KCNH7: variants seen among roughly 807,000 people sequenced by gnomAD.
The protein encoded by KCNH7 is voltage-gated inwardly rectifying potassium channel KCNH7.
A neutral mutation model predicts 120.8 loss-of-function variants in KCNH7; 49 were observed. That is an observed-to-expected ratio of 0.41 (90% CI 0.32 to 0.51). The LOEUF (loss-of-function observed/expected upper bound fraction) is 0.51, where lower values mean the gene tolerates loss of function less well. Ranked by LOEUF, KCNH7 falls within the 20% of genes least tolerant of loss-of-function variation. The pLI is 0.38. For missense variants in KCNH7, 1,097 were observed against 1,446.6 expected (o/e 0.76, Z 3.92); for synonymous variants, 547 against 516.1 (o/e 1.06, Z -0.81).
intron 2 of KCNH7, among the ~76,000 whole-genome samples, chr2:162,726,724 AT>A (rs1354152262): frequency 6.6e-6 from 1 of 152,098 alleles, no homozygotes; most frequent in African/African-American, 2.4e-5. Context: ...CCAGCCTATT[AT>A]TCTTTTTTAA....
chr2:162,693,546 G>A (rs990356096), intron 2 of KCNH7, among the ~76,000 whole-genome samples: 1 of 152,146 alleles, frequency 6.6e-6, no homozygotes, highest in South Asian at 2.1e-4. Context: ...AGAGTGAAAG[G>A]TTATTTTCAA....
intron 2 of KCNH7, among the ~76,000 whole-genome samples, chr2:162,661,124 C>A (rs1056076978): frequency 4.3e-4 from 66 of 152,270 alleles, no homozygotes; most frequent in African/African-American, 1.5e-3. Context: ...TTCAATGTGA[C>A]AATATTACGA....
intron 2 of KCNH7, among the ~76,000 whole-genome samples, chr2:162,684,779 A>G (rs1685828474): frequency 1.3e-5 from 2 of 152,122 alleles, no homozygotes; most frequent in Non-Finnish European, 2.9e-5. Context: ...CCATTGTGGA[A>G]GACAGTGGGG....
intron 2 of KCNH7, among the ~76,000 whole-genome samples, chr2:162,782,416 A>G (rs2105497533): frequency 6.6e-6 from 1 of 152,350 alleles, no homozygotes; most frequent in African/African-American, 2.4e-5. Flanking sequence ...GGAATGAGTC[A>G]TGTGGCTATT....
intron 2 of KCNH7, among the ~76,000 whole-genome samples, chr2:162,599,733 TTTA>T (rs1424645619): frequency 6.6e-6 from 1 of 152,092 alleles, no homozygotes; most frequent in Admixed American, 6.6e-5. Context: ...TTTTCATTGG[TTTA>T]TTAACAAAAT....
chr2:162,495,613 A>G (rs1690471332), intron 6 of KCNH7, among the ~76,000 whole-genome samples: 1 of 152,178 alleles, frequency 6.6e-6, no homozygotes, highest in Non-Finnish European at 1.5e-5. Flanking sequence ...TTTGACAAAA[A>G]TGAGGACTGG....
At chr2:162,791,972 C>T (rs1012738940) in intron 2 of KCNH7, among the ~76,000 whole-genome samples, 6 of 151,480 alleles carry the variant, frequency 4.0e-5, no homozygotes, top group East Asian at 1.9e-4. Context: ...CCTAATTTAT[C>T]GAGTTTTTTT....
chr2:162,566,681 A>G (rs893327716), intron 2 of KCNH7, among the ~76,000 whole-genome samples: 4 of 152,086 alleles, frequency 2.6e-5, no homozygotes, highest in African/African-American at 9.7e-5. Context: ...GCTTGAAGCT[A>G]CAAAGACAAG....
In KCNH7 at chr2:162,779,233, C is replaced by T. The variant is rs1401733635; in HGVS notation, c.307+57304G>A. ...TGTTTGTTTTTGAGACAGAGTCTTG[C>T]TCTGTTGCCCAGGCTGGAGTACAGT... On this transcript the variant is annotated intron_variant, in intron 2 of 15. Coordinates refer to ENST00000332142, the MANE Select transcript of KCNH7 (RefSeq NM_033272.4). Among the ~76,000 whole-genome samples, 4 of 152,098 alleles carry T rather than the reference C, an allele frequency of 2.6e-5. No individual in the cohort carries two copies. The East Asian group carries it at 7.7e-4, about 29-fold the overall frequency.
intron 6 of KCNH7, among the ~76,000 whole-genome samples, chr2:162,469,573 A>G (rs1415740018): frequency 2.0e-5 from 3 of 152,206 alleles, no homozygotes; most frequent in African/African-American, 7.2e-5. Context: ...TTAGAAGAGT[A>G]CGTTCCACTA....
intron 2 of KCNH7, among the ~76,000 whole-genome samples, chr2:162,715,143 T>TA (rs1204495375): frequency 2.0e-5 from 3 of 152,270 alleles, no homozygotes; most frequent in Middle Eastern, 3.4e-3. Context: ...TAATTTATTT[T>TA]AAAAAAGAGG....
At chr2:162,452,573 A>G (rs941360414) in intron 6 of KCNH7, among the ~76,000 whole-genome samples, 3 of 152,038 alleles carry the variant, frequency 2.0e-5, no homozygotes, top group African/African-American at 7.2e-5. Context: ...AAGTTGGTGG[A>G]TGGGAAAATC....
rs570908749 is a variant in KCNH7, at chr2:162,471,108, C to G, written c.1129-24665G>C. On this transcript the variant is annotated intron_variant, in intron 6 of 15. Coordinates refer to ENST00000332142, the MANE Select transcript of KCNH7 (RefSeq NM_033272.4). ...CAAGTACCCAGGGACACAAACACTG[C>G]GGAGGGCCGCAGGGTCCTCTGCCTA... 3.3e-5 allele frequency among the ~76,000 whole-genome samples: 5 copies of G among 152,262 alleles called. No homozygotes were observed. In the South Asian group the frequency reaches 1.0e-3, roughly 32 times the overall value.
Position 162,639,375 on chromosome 2 carries a change from C to T in KCNH7, c.308-102295G>A, listed in dbSNP as rs137895216. On this transcript the variant is annotated intron_variant, in intron 2 of 15. Coordinates refer to ENST00000332142, the MANE Select transcript of KCNH7 (RefSeq NM_033272.4). ...CATTTATTGGATGAATGAATGAATG[C>T]ATTGTACCATTTTGCAGATGAAGAA... Among the ~76,000 whole-genome samples, 7 of 152,102 alleles carry T rather than the reference C, an allele frequency of 4.6e-5. No homozygotes were observed. The East Asian group carries it at 1.2e-3, about 25-fold the overall frequency.
chr2:162,389,742 C>T (rs553930641), intron 12 of KCNH7, among the ~76,000 whole-genome samples: 3 of 152,134 alleles, frequency 2.0e-5, no homozygotes, highest in African/African-American at 7.2e-5. Context: ...CTTCCAGGTC[C>T]TCTTTTTTCT....
At chr2:162,521,039 C>T (rs1474557480) in intron 3 of KCNH7, among the ~76,000 whole-genome samples, 4 of 151,824 alleles carry the variant, frequency 2.6e-5, no homozygotes, top group African/African-American at 9.7e-5. Context: ...ATTTTAGCAC[C>T]AAAGTGATTT....
intron 2 of KCNH7, among the ~76,000 whole-genome samples, chr2:162,634,515 C>T (rs954185793): frequency 2.0e-5 from 3 of 152,158 alleles, no homozygotes; most frequent in South Asian, 4.1e-4. Context: ...CAATTTACTG[C>T]CTTTTATGTG....
At position 162,423,334 on chromosome 2, in the gene KCNH7, A is replaced by G; in HGVS notation, c.2154+2T>C. Reference sequence around the variant, plus strand: ...TTCATTTTGGAAAACAGACATACATACCATGTTCATGTCAATGCCATTGGT... The same window carrying G: ...TTCATTTTGGAAAACAGACATACATGCCATGTTCATGTCAATGCCATTGGT... On this transcript the variant is annotated splice_donor_variant, in intron 9 of 15. Coordinates refer to ENST00000332142, the MANE Select transcript of KCNH7 (RefSeq NM_033272.4). LOFTEE classifies it high-confidence loss of function. 6.2e-7 allele frequency: 1 copy of G among 1,614,070 alleles called. No homozygotes were observed. Among genetic ancestry groups the G allele is most frequent in the Non-Finnish European group, 8.5e-7 (1 of 1,179,926 alleles).
At chr2:162,788,493 C>T (rs960414582) in intron 2 of KCNH7, among the ~76,000 whole-genome samples, 2 of 151,942 alleles carry the variant, frequency 1.3e-5, no homozygotes, top group Non-Finnish European at 2.9e-5. Context: ...CTTTAAAGAG[C>T]TTCAGTAGGA....
Sources: gnomAD v4.1 joint callset for allele counts (sites outside exome capture counted in the v4.1 genomes callset) on GRCh38, gnomAD v4.1.1 for gene constraint, MANE v1.5 for transcripts, NCBI Gene and HGNC (gene_info 2026-07-23, HGNC 2026-07-21) for gene names.